The following ZNF536 variants were observed in gnomAD, a reference collection of about 807,000 sequenced individuals.
ZNF536 encodes zinc finger protein 536.
ZNF536 carries 13 observed loss-of-function variants against 84.5 expected under a neutral mutation model. The ratio of observed to expected loss-of-function variants is 0.15; its 90% CI spans 0.10 to 0.24. ZNF536 has a LOEUF of 0.24. Among genes scored for constraint, ZNF536 ranks in the 10% least tolerant of loss-of-function variants. ZNF536 has a pLI of 1.00. For missense variants in ZNF536, 1,536 were observed against 1,747.5 expected, an observed-to-expected ratio of 0.88 and a Z score of 2.16; for synonymous variants, 811 against 742.5, an observed-to-expected ratio of 1.09 and a Z score of -1.50.
rs566892661 is a variant in ZNF536, at chr19:30,387,148, C to A, written c.-3+14592C>A. Among the ~76,000 whole-genome samples, 10 of 152,352 alleles carry A rather than the reference C, an allele frequency of 6.6e-5. No individual in the cohort carries two copies. In the East Asian group the frequency reaches 1.9e-3, roughly 29 times the overall value. ...TTTTCATGCTGAAGATCTGCCCTCA[C>A]TCATGGGCTCCAATGTCCCTTGGCT... On this transcript the variant is annotated intron_variant, in intron 1 of 4. Transcript: ENST00000355537.
At chr19:30,454,561 G>A (rs768808718) in intron 2 of ZNF536, among the ~76,000 whole-genome samples, 12 of 152,136 alleles carry the variant, frequency 7.9e-5, no homozygotes, top group Middle Eastern at 3.4e-3. Context: ...TTTTATTTTC[G>A]TTTCATTTCA....
intron 2 of ZNF536, among the ~76,000 whole-genome samples, chr19:30,308,647 G>T (rs964226675): frequency 6.6e-6 from 1 of 152,058 alleles, no homozygotes; most frequent in Non-Finnish European, 1.5e-5. Context: ...GGGAGTTAAG[G>T]CCTGCTAGGA....
intron 2 of ZNF536, among the ~76,000 whole-genome samples, chr19:30,484,740 G>A (rs1375286681): frequency 1.3e-5 from 2 of 149,518 alleles, no homozygotes; most frequent in Non-Finnish European, 3.0e-5. Flanking sequence ...GGAACTCCGT[G>A]TGAGAGCTCT....
At chr19:30,565,924 T>C (rs567932323) in intron 1 of ZNF536, among the ~76,000 whole-genome samples, 4 of 152,270 alleles carry the variant, frequency 2.6e-5, no homozygotes, top group South Asian at 2.1e-4. Context: ...ATCTCACAGA[T>C]GACAGCAATC....
intron 2 of ZNF536, among the ~76,000 whole-genome samples, chr19:30,460,572 T>C (rs1306944790): frequency 6.6e-6 from 1 of 152,208 alleles, no homozygotes; most frequent in Non-Finnish European, 1.5e-5. Flanking sequence ...AGTCCATTCC[T>C]GCCTGTTCTC....
At chr19:30,386,357 A>G (rs893902003) in intron 1 of ZNF536, among the ~76,000 whole-genome samples, 1 of 152,048 alleles carries the variant, frequency 6.6e-6, no homozygotes, top group African/African-American at 2.4e-5. Flanking sequence ...GTCTCTCTTT[A>G]TGAATGTCTG....
At chr19:30,301,383 C>T (rs978624661) in intron 2 of ZNF536, among the ~76,000 whole-genome samples, 15 of 152,188 alleles carry the variant, frequency 9.9e-5, no homozygotes, top group African/African-American at 3.1e-4. Flanking sequence ...GACGCTGTTG[C>T]TTTAGCTGTA....
At chr19:30,363,739 AC>A (rs2146918539) in intron 3 of ZNF536, among the ~76,000 whole-genome samples, 1 of 152,342 alleles carries the variant, frequency 6.6e-6, no homozygotes, top group East Asian at 1.9e-4. Flanking sequence ...TGTGCTCAGC[AC>A]TGTGCAATCA....
chr19:30,304,060 C>T (rs1004346317), intron 2 of ZNF536, among the ~76,000 whole-genome samples: 14 of 152,258 alleles, frequency 9.2e-5, no homozygotes, highest in African/African-American at 1.9e-4. Flanking sequence ...GGGGGAGTCC[C>T]GCTCAGGGTC....
At chr19:30,508,816 CTTTCTTTTTTTTTTTTT>C (rs2055279955) in intron 2 of ZNF536, among the ~76,000 whole-genome samples, 1 of 113,988 alleles carries the variant, frequency 8.8e-6, no homozygotes, top group African/African-American at 3.3e-5. Flanking sequence ...TTCTTTCTTT[CTTTCTTTTTTTTTTTTT>C]TTTTTTTTTT....
chr19:30,240,862 A>G (rs1325289320), intron 1 of ZNF536, among the ~76,000 whole-genome samples: 1 of 152,220 alleles, frequency 6.6e-6, no homozygotes, highest in Non-Finnish European at 1.5e-5. Flanking sequence ...TGCTGCGGCA[A>G]TCTGGGAACA....
intron 2 of ZNF536, among the ~76,000 whole-genome samples, chr19:30,499,890 G>A (rs1437903976): frequency 6.6e-6 from 1 of 152,164 alleles, no homozygotes; most frequent in African/African-American, 2.4e-5. Context: ...AGGGATGGTG[G>A]CAGATGAGGA....
upstream of ZNF536, among the ~76,000 whole-genome samples, chr19:30,368,826 C>T (rs1330961483): frequency 1.3e-5 from 2 of 152,214 alleles, no homozygotes; most frequent in Non-Finnish European, 2.9e-5. Context: ...GAGTCTTCAG[C>T]TGCTCCGCTT....
At chr19:30,449,314 C>T (rs1024305143) in intron 2 of ZNF536, among the ~76,000 whole-genome samples, 13 of 152,258 alleles carry the variant, frequency 8.5e-5, no homozygotes, top group Admixed American at 6.5e-4. Context: ...ATTTAGAAAG[C>T]GGGGTGGCTG....
chr19:30,686,079 T>C (rs1304097126), intron 1 of ZNF536, among the ~76,000 whole-genome samples: 1 of 152,192 alleles, frequency 6.6e-6, no homozygotes, highest in Admixed American at 6.5e-5. Context: ...CCTGCACAAC[T>C]TCTTTGCCCC....
chr19:30,276,529 T>C (rs1367138791), intron 1 of ZNF536, among the ~76,000 whole-genome samples: 1 of 152,182 alleles, frequency 6.6e-6, no homozygotes, highest in African/African-American at 2.4e-5. Context: ...CATACTCAGC[T>C]TTTTAGTTTT....
intron 1 of ZNF536, among the ~76,000 whole-genome samples, chr19:30,246,738 T>G (rs1279783857): frequency 6.6e-6 from 1 of 152,248 alleles, no homozygotes; most frequent in Non-Finnish European, 1.5e-5. Context: ...TTTATAGACC[T>G]CTTGGGCTAA....
intron 1 of ZNF536, among the ~76,000 whole-genome samples, chr19:30,631,295 C>T (rs189367820): frequency 6.6e-6 from 1 of 152,212 alleles, no homozygotes; most frequent in Non-Finnish European, 1.5e-5. Context: ...AGCCAGGCTG[C>T]CCCTCTTTGT....
chr19:30,470,276 A>G (rs545016286), intron 2 of ZNF536, among the ~76,000 whole-genome samples: 1 of 152,340 alleles, frequency 6.6e-6, no homozygotes, highest in South Asian at 2.1e-4. Flanking sequence ...AAAAGTTGCA[A>G]GAAGAGTCCA....
Sources: allele counts gnomAD v4.1 joint callset (sites outside exome capture counted in the v4.1 genomes callset), GRCh38; gene constraint gnomAD v4.1.1; transcripts MANE v1.5; gene names NCBI Gene and HGNC (gene_info 2026-07-23, HGNC 2026-07-21).